Variants in PAQR8 observed in about 807,000 individuals in gnomAD.
PAQR8 encodes progestin and adipoQ receptor family member 8, also known as membrane progestin receptor beta.
A neutral mutation model predicts 25.2 loss-of-function variants in PAQR8; 17 were observed. The ratio of observed to expected loss-of-function variants is 0.67; its 90% CI spans 0.46 to 1.01. PAQR8 has a LOEUF of 1.01. Ranked by LOEUF, PAQR8 falls within the 50% of genes least tolerant of loss-of-function variation. The probability of loss-of-function intolerance (pLI) is 0.00; values close to 1 mark genes in which losing one functional copy is unlikely to be tolerated. For missense variants in PAQR8, 392 were observed against 448.4 expected, an observed-to-expected ratio of 0.87 and a Z score of 1.14; for synonymous variants, 204 against 190.6, an observed-to-expected ratio of 1.07 and a Z score of -0.58.
Position 52,403,557 on chromosome 6 carries a change from T to TC in PAQR8, c.345dup (p.Ile116HisfsTer53). ...ACCCACTCCCTGCCTCTGCTCCTCT[T>TC]CATCCTGTCGTCAATCACTTACCTC... On this transcript the variant is annotated frameshift_variant, in exon 2 of 2. Transcript: ENST00000442253. LOFTEE classifies it high-confidence loss of function. The TC allele has an allele frequency of 6.2e-7, 1 of 1,614,116 alleles. No individual in the cohort carries two copies. Among genetic ancestry groups the TC allele is most frequent in the Non-Finnish European group, 8.5e-7 (1 of 1,180,038 alleles).
At chr6:52,401,020 T>C (rs1408258) in intron 1 of PAQR8, among the ~76,000 whole-genome samples, 20,765 of 152,178 alleles carry the variant, frequency 0.14, 1,483 homozygotes, top group Middle Eastern at 0.24. Flanking sequence ...ACACAACCCA[T>C]ATAATATATA....
chr6:52,386,975 A>G (rs1763639815), intron 1 of PAQR8, among the ~76,000 whole-genome samples: 1 of 152,208 alleles, frequency 6.6e-6, no homozygotes, highest in South Asian at 2.1e-4. Flanking sequence ...TGAACTGAGT[A>G]GATTGACTTT....
intron 1 of PAQR8, among the ~76,000 whole-genome samples, chr6:52,389,881 C>G (rs960044747): frequency 6.6e-6 from 1 of 152,206 alleles, no homozygotes; most frequent in Non-Finnish European, 1.5e-5. Flanking sequence ...GTTTGCAGAT[C>G]AGTGATGAAG....
Position 52,405,706 on chromosome 6 carries a change from G to C in PAQR8, c.*1428G>C, listed in dbSNP as rs9395789. 7,374 of 167,116 alleles carry C rather than the reference G, an allele frequency of 0.044. 219 individuals are homozygous for C. Among genetic ancestry groups the C allele is most frequent in the South Asian group, 0.089 (429 of 4,810 alleles). The allele number at this position is 167,116 out of a possible 1,614,324, so 10.4% of individuals were successfully genotyped here. On this transcript the variant is annotated 3_prime_UTR_variant, in exon 2 of 2. Coordinates refer to ENST00000442253, the MANE Select transcript of PAQR8 (RefSeq NM_133367.5). ...AAGGGACATGATTTAACTCCAGTTT[G>C]ATGAACCTCCTCCGAGTTTACTTTA... is the stretch of plus-strand genomic sequence containing the variant.
chr6:52,375,669 C>T (rs1763476736), intron 1 of PAQR8, among the ~76,000 whole-genome samples: 1 of 152,026 alleles, frequency 6.6e-6, no homozygotes, highest in Non-Finnish European at 1.5e-5. Flanking sequence ...CATGGCACCA[C>T]TCCTGGCTAA....
Position 52,403,848 on chromosome 6 carries a change from G to C in PAQR8, c.635G>C (p.Cys212Ser). Residue 212 changes from cysteine to serine, a missense_variant, in exon 2 of 2, where the codon TGT becomes TCT. Cys to Ser is a moderately radical substitution (Grantham distance 112). Coordinates refer to ENST00000442253, the MANE Select transcript of PAQR8 (RefSeq NM_133367.5). ...RRPYPVMRKICQVVPAGLAFI... is the reference protein window; with the variant it reads ...RRPYPVMRKISQVVPAGLAFI... ...CCTTATCCAGTCATGAGGAAGATCT[G>C]TCAAGTGGTGCCAGCAGGTCTGGCT... 1 of 1,614,242 alleles carries C rather than the reference G, an allele frequency of 6.2e-7. No homozygotes were observed. The highest frequency in any genetic ancestry group is 8.5e-7 in the Non-Finnish European group (1 of 1,180,056).
rs1763304473 is a variant in PAQR8, at chr6:52,362,684, G to GGGC, written c.-53+437_-53+439dup. Among the ~76,000 whole-genome samples the GGGC allele has an allele frequency of 6.6e-6, 1 of 152,164 alleles. No individual in the cohort carries two copies. The highest frequency in any genetic ancestry group is 2.4e-5 in the African/African-American group (1 of 41,446). ...GGGGAGTCCGACAGGGCAGAACGAG[G>GGGC]GGCGTCCTGTCCGCATTTGTGGGGC... On this transcript the variant is annotated intron_variant, in intron 1 of 1. Transcript: ENST00000442253. This position sits in a 1 kb window ranked among gnomAD's most constrained non-coding sequence, Gnocchi z 4.1.
intron 1 of PAQR8, among the ~76,000 whole-genome samples, chr6:52,402,317 T>C (rs1202494533): frequency 1.3e-5 from 2 of 150,678 alleles, no homozygotes; most frequent in African/African-American, 4.9e-5. Flanking sequence ...TGAACCAAGA[T>C]TGCGCCACTG....
In PAQR8 at chr6:52,362,719, A is replaced by C. The variant is rs1253461852; in HGVS notation, c.-53+470A>C. ...TCCGCATTTGTGGGGCGCCCTCCGC[A>C]GGGCGGAGGGGAACGGAACCTGGGA... On this transcript the variant is annotated intron_variant, in intron 1 of 1. Transcript: ENST00000442253. The surrounding 1 kb of genome is among the most constrained non-coding windows in gnomAD (Gnocchi z 4.1). 3.9e-5 allele frequency among the ~76,000 whole-genome samples: 6 copies of C among 152,246 alleles called. No homozygotes were observed. The East Asian group carries it at 1.2e-3, about 30-fold the overall frequency.
chr6:52,381,262 C>T (rs1289531561), intron 1 of PAQR8, among the ~76,000 whole-genome samples: 1 of 152,224 alleles, frequency 6.6e-6, no homozygotes, highest in Non-Finnish European at 1.5e-5. Context: ...GAAACGGATT[C>T]TCTCTCTAAG....
At chr6:52,379,275 G>C (rs1022557846) in intron 1 of PAQR8, among the ~76,000 whole-genome samples, 1 of 152,064 alleles carries the variant, frequency 6.6e-6, no homozygotes, top group Admixed American at 6.6e-5. Flanking sequence ...GTAGAATGGC[G>C]GTTGCCAGGG....
Position 52,405,952 on chromosome 6 carries a change from CACAA to C in PAQR8, c.*1682_*1685del, listed in dbSNP as rs986236166. Reference sequence around the variant, plus strand: ...AAAGACTTTCTCAATCTATTTTGGCCACAAACAAACATATTCAACTGAAGCTTTC... The same window carrying C: ...AAAGACTTTCTCAATCTATTTTGGCCACAAACATATTCAACTGAAGCTTTC... On this transcript the variant is annotated 3_prime_UTR_variant, in exon 2 of 2. Coordinates refer to ENST00000442253, the MANE Select transcript of PAQR8 (RefSeq NM_133367.5). The C allele has an allele frequency of 1.8e-5, 3 of 166,786 alleles. No homozygotes were observed. The highest frequency in any genetic ancestry group is 7.2e-5 in the African/African-American group (3 of 41,426). 10.3% of individuals were successfully genotyped at this position (166,786 alleles called of 1,614,324 possible). A position where few individuals can be genotyped will look rare whatever the true frequency, so the allele number is the denominator to read the frequency against.
At chr6:52,393,345 T>C (rs980009947) in intron 1 of PAQR8, among the ~76,000 whole-genome samples, 6 of 147,172 alleles carry the variant, frequency 4.1e-5, no homozygotes, top group African/African-American at 1.5e-4. Context: ...TTTTTTTTTT[T>C]TTTTTTTTGA....
intron 1 of PAQR8, among the ~76,000 whole-genome samples, chr6:52,371,274 C>T: frequency 6.6e-6 from 1 of 152,118 alleles, no homozygotes; most frequent in East Asian, 1.9e-4. Context: ...AATGGAGTTC[C>T]AGCTTTATTA....
At chr6:52,374,575 A>G (rs1456501988) in intron 1 of PAQR8, among the ~76,000 whole-genome samples, 1 of 152,100 alleles carries the variant, frequency 6.6e-6, no homozygotes, top group Non-Finnish European at 1.5e-5. Context: ...CACGATGCCC[A>G]GCTAATTTTT....
chr6:52,384,561 T>C (rs2113942837), intron 1 of PAQR8, among the ~76,000 whole-genome samples: 1 of 152,256 alleles, frequency 6.6e-6, no homozygotes, highest in South Asian at 2.1e-4. Context: ...GCAGGTGTGA[T>C]GAAATATTAC....
chr6:52,384,901 T>C (rs1763611974), intron 1 of PAQR8, among the ~76,000 whole-genome samples: 1 of 151,982 alleles, frequency 6.6e-6, no homozygotes. Context: ...TTGACAAAAA[T>C]AAACAATGGG....
intron 1 of PAQR8, among the ~76,000 whole-genome samples, chr6:52,399,925 T>C (rs1455462736): frequency 2.0e-5 from 3 of 152,228 alleles, no homozygotes; most frequent in East Asian, 1.9e-4. Flanking sequence ...CCAAGGTCAG[T>C]TGGAGAAACT....
At chr6:52,377,833 A>G (rs1157097035) in intron 1 of PAQR8, among the ~76,000 whole-genome samples, 1 of 152,036 alleles carries the variant, frequency 6.6e-6, no homozygotes, top group Non-Finnish European at 1.5e-5. Context: ...TCGCATTGGT[A>G]TCTCTATTAG....
Sources: allele counts gnomAD v4.1 joint callset (sites outside exome capture counted in the v4.1 genomes callset), GRCh38; gene constraint gnomAD v4.1.1; non-coding constraint Gnocchi (gnomAD v3.1); transcripts MANE v1.5; gene names NCBI Gene and HGNC (gene_info 2026-07-23, HGNC 2026-07-21).